Variants in TMEM132D observed in about 807,000 individuals in gnomAD.
TMEM132D encodes the protein mature OL transmembrane protein.
TMEM132D carries 21 observed loss-of-function variants against 62.3 expected under a neutral mutation model. The observed-to-expected ratio is 0.34, with a 90% confidence interval of 0.24 to 0.49. TMEM132D has a LOEUF of 0.49. TMEM132D is among the 20% of genes least tolerant of loss of function. The probability of loss-of-function intolerance (pLI) is 0.99; values close to 1 mark genes in which losing one functional copy is unlikely to be tolerated. For synonymous variants in TMEM132D, 621 were observed against 575.6 expected, an observed-to-expected ratio of 1.08 and a Z score of -1.13; for missense variants, 1,346 against 1,402.8, an observed-to-expected ratio of 0.96 and a Z score of 0.65.
chr12:129,862,481 T>C (rs796468937), intron 1 of TMEM132D, among the ~76,000 whole-genome samples: 1 of 152,308 alleles, frequency 6.6e-6, no homozygotes, highest in African/African-American at 2.4e-5. Flanking sequence ...TTCAATTCAC[T>C]CTGAGCCACT....
chr12:129,093,912 T>C (rs1387661979), intron 5 of TMEM132D, among the ~76,000 whole-genome samples: 52 of 151,690 alleles, frequency 3.4e-4, no homozygotes, highest in South Asian at 6.3e-4. Context: ...ACAAACCTGA[T>C]AAAAACAAGC....
At position 129,867,447 on chromosome 12, in the gene TMEM132D, G is replaced by C. The variant is rs1874095562; in HGVS notation, c.79+35814C>G. 6.6e-6 allele frequency among the ~76,000 whole-genome samples: 1 copy of C among 152,176 alleles called. No individual in the cohort carries two copies. The highest frequency in any genetic ancestry group is 1.5e-5 in the Non-Finnish European group (1 of 68,040). ...TAGTTGCCAGGGCTCAGCAACACTG[G>C]TGAGAGAATAGGGAGATGCTGATGA... On this transcript the variant is annotated intron_variant, in intron 1 of 8. Coordinates refer to ENST00000422113, the MANE Select transcript of TMEM132D (RefSeq NM_133448.3). This position sits in a 1 kb window ranked among gnomAD's most constrained non-coding sequence, Gnocchi z 4.5.
rs184261827 is a variant in TMEM132D at position 129,688,278 on chromosome 12, A to T, written c.968+11532T>A. Among the ~76,000 whole-genome samples, 440 of 152,292 alleles carry T rather than the reference A, an allele frequency of 2.9e-3. 2 individuals carry two copies. Among genetic ancestry groups the T allele is most frequent in the African/African-American group, 0.01 (421 of 41,558 alleles). On this transcript the variant is annotated intron_variant, in intron 2 of 8. Transcript: ENST00000422113. ...TTTATTTAAATGTCTACTTTCCCAA[A>T]CTACCTAATCAGCTTATCTCCACAA...
chr12:129,442,982 A>G (rs895553854), intron 3 of TMEM132D, among the ~76,000 whole-genome samples: 4 of 152,084 alleles, frequency 2.6e-5, no homozygotes, highest in Non-Finnish European at 4.4e-5. Flanking sequence ...GCTCCCTCCC[A>G]GGTGAACACA....
intron 1 of TMEM132D, among the ~76,000 whole-genome samples, chr12:129,730,754 A>G (rs2137251782): frequency 6.6e-6 from 1 of 151,424 alleles, no homozygotes; most frequent in South Asian, 2.1e-4. Context: ...AGGCAGAGGA[A>G]CCTGGAAAGA....
intron 3 of TMEM132D, among the ~76,000 whole-genome samples, chr12:129,353,959 C>T (rs1223657365): frequency 6.6e-6 from 1 of 152,068 alleles, no homozygotes; most frequent in African/African-American, 2.4e-5. Flanking sequence ...CTTCTCATTC[C>T]CCAATAATGC....
rs1792496056 is a variant in TMEM132D, at chr12:129,779,726, A to C, written c.80-79028T>G. On this transcript the variant is annotated intron_variant, in intron 1 of 8. Coordinates refer to ENST00000422113, the MANE Select transcript of TMEM132D (RefSeq NM_133448.3). The surrounding 1 kb of genome is among the most constrained non-coding windows in gnomAD (Gnocchi z 4.1). The stretch of plus-strand genomic sequence containing the variant: ...TTTAGACACAGCTCTTGTTCTGGCG[A>C]GTCTCATTACTTATGGTTTATTCTG... Among the ~76,000 whole-genome samples, 1 of 152,098 alleles carries C rather than the reference A, an allele frequency of 6.6e-6. No individual in the cohort carries two copies. The highest frequency in any genetic ancestry group is 2.4e-5 in the African/African-American group (1 of 41,424).
intron 1 of TMEM132D, among the ~76,000 whole-genome samples, chr12:129,825,455 T>C (rs1294036955): frequency 1.3e-5 from 2 of 152,190 alleles, no homozygotes; most frequent in Non-Finnish European, 2.9e-5. Context: ...TATCTGCTAA[T>C]AGGGTTACTG....
chr12:129,215,439 C>G (rs945307622), intron 4 of TMEM132D, among the ~76,000 whole-genome samples: 1 of 152,012 alleles, frequency 6.6e-6, no homozygotes, highest in Non-Finnish European at 1.5e-5. Flanking sequence ...GACACATTTC[C>G]CTTTGTAACA....
intron 2 of TMEM132D, among the ~76,000 whole-genome samples, chr12:129,617,965 G>A (rs1878966780): frequency 6.6e-6 from 1 of 152,112 alleles, no homozygotes; most frequent in Non-Finnish European, 1.5e-5. Context: ...ATGCTTTCTG[G>A]TACCTCGTAG....
chr12:129,374,529 TG>T (rs756413448), intron 3 of TMEM132D, among the ~76,000 whole-genome samples: 2 of 151,904 alleles, frequency 1.3e-5, no homozygotes, highest in Admixed American at 6.6e-5. Context: ...GAGGTCTCTG[TG>T]GTGAGAAGTG....
chr12:129,663,711 C>T (rs913797454), intron 2 of TMEM132D, among the ~76,000 whole-genome samples: 1 of 152,116 alleles, frequency 6.6e-6, no homozygotes, highest in African/African-American at 2.4e-5. Context: ...TAATTGATGG[C>T]AAAGCAGTAT....
At chr12:129,545,703 A>AT (rs1876713537) in intron 2 of TMEM132D, among the ~76,000 whole-genome samples, 1 of 152,348 alleles carries the variant, frequency 6.6e-6, no homozygotes, top group East Asian at 1.9e-4. Context: ...AGCTGAAAGC[A>AT]TCCGTTTAGG....
At chr12:129,288,687 G>A (rs1483112258) in intron 4 of TMEM132D, among the ~76,000 whole-genome samples, 14 of 152,142 alleles carry the variant, frequency 9.2e-5, no homozygotes. Flanking sequence ...TATGCAAAAC[G>A]GTAAGGAGGT....
intron 1 of TMEM132D, among the ~76,000 whole-genome samples, chr12:129,896,746 G>A (rs1049843537): frequency 1.3e-5 from 2 of 151,986 alleles, no homozygotes; most frequent in African/African-American, 4.8e-5. Context: ...TCCTAAGAGT[G>A]GAACCTCTTG....
At chr12:129,123,920 T>C (rs917605772) in intron 5 of TMEM132D, among the ~76,000 whole-genome samples, 3 of 152,138 alleles carry the variant, frequency 2.0e-5, no homozygotes, top group Admixed American at 6.6e-5. Flanking sequence ...CTTGGGCCTT[T>C]GGGTTTGGAC....
At chr12:129,244,937 G>A (rs12425731) in intron 4 of TMEM132D, among the ~76,000 whole-genome samples, 38,851 of 151,954 alleles carry the variant, frequency 0.26, 5,049 homozygotes, top group African/African-American at 0.28. Flanking sequence ...CACCACGCCC[G>A]GCCTGGTGTT....
At chr12:129,121,605 C>CCCCATTTCA (rs1876066190) in intron 5 of TMEM132D, among the ~76,000 whole-genome samples, 1 of 152,140 alleles carries the variant, frequency 6.6e-6, no homozygotes, top group African/African-American at 2.4e-5. Flanking sequence ...CCCAGGAATG[C>CCCCATTTCA]AGAGGGACTC....
chr12:129,221,717 T>C (rs577469986), intron 4 of TMEM132D, among the ~76,000 whole-genome samples: 1 of 152,278 alleles, frequency 6.6e-6, no homozygotes. Context: ...CAAAGATCAG[T>C]AACCTAATCA....
Sources: allele counts gnomAD v4.1 joint callset (sites outside exome capture counted in the v4.1 genomes callset), GRCh38; gene constraint gnomAD v4.1.1; non-coding constraint Gnocchi (gnomAD v3.1); transcripts MANE v1.5; gene names NCBI Gene and HGNC (gene_info 2026-07-23, HGNC 2026-07-21).